The following GPR37L1 variants were observed in gnomAD, a reference collection of about 807,000 sequenced individuals.
The protein encoded by GPR37L1 is G protein-coupled receptor 37 like 1, also known as G protein-coupled receptor 37-like 1.
Under a neutral mutation model 18.0 loss-of-function variants are expected in GPR37L1, and 18 were observed. The observed-to-expected ratio is 1.00, with a 90% CI of 0.69 to 1.49. The LOEUF is 1.49. Among genes scored for constraint, GPR37L1 ranks in the 40% most tolerant of loss-of-function variants. The pLI, the probability that GPR37L1 is intolerant of heterozygous loss-of-function variation, is 0.00. For synonymous variants in GPR37L1, 256 were observed against 273.9 expected, an observed-to-expected ratio of 0.93 and a Z score of 0.65; for missense variants, 558 against 615.1, an observed-to-expected ratio of 0.91 and a Z score of 0.98.
intron 1 of GPR37L1, among the ~76,000 whole-genome samples, chr1:202,126,023 C>T (rs973669736): frequency 1.9e-4 from 29 of 152,276 alleles, no homozygotes; most frequent in East Asian, 7.7e-4. Flanking sequence ...CGCCCAGCAA[C>T]ACCCTTTTAT....
Position 202,128,204 on chromosome 1 carries a change from C to T in GPR37L1, c.1094C>T (p.Thr365Ile). The part of the protein sequence containing the change: ...SQLNSTVVGL[T>I]VVYAFCTLPE... ...CTCAACAGCACCGTGGTGGGCCTGA[C>T]CGTGGTCTACGCCTTCTGCACCCTC... Residue 365 changes from threonine (T) to isoleucine (I), a missense_variant, in exon 2 of 2, where the codon ACC becomes ATC. Thr to Ile is a moderately conservative substitution (Grantham distance 89). Coordinates refer to ENST00000367282, the MANE Select transcript of GPR37L1 (RefSeq NM_004767.5). 1.2e-6 allele frequency: 2 copies of T among 1,613,956 alleles called. No homozygotes were observed. Among genetic ancestry groups the T allele is most frequent in the South Asian group, 2.2e-5 (2 of 91,078 alleles).
intron 1 of GPR37L1, among the ~76,000 whole-genome samples, chr1:202,126,667 C>T (rs80068894): frequency 0.057 from 8,736 of 152,162 alleles, 439 homozygotes; most frequent in African/African-American, 0.13. Flanking sequence ...TGCTCTTTGG[C>T]ACTCTCCTCC....
rs1217213503 is a variant in GPR37L1, at chr1:202,131,239, G to A, written c.*2683G>A. ...TGATGCCAGGTTACAGGGCTGAGGG[G>A]AGCCTGAAATCCACTGGGTCTCCCT... On this transcript the variant is annotated 3_prime_UTR_variant, in exon 2 of 2. Transcript: ENST00000367282. The A allele has an allele frequency of 6.6e-6, 1 of 152,208 alleles. No homozygotes were observed. The highest frequency in any genetic ancestry group is 2.4e-5 in the African/African-American group (1 of 41,438). The allele number at this position is 152,208 out of a possible 1,614,324, so 9.4% of individuals were successfully genotyped here.
chr1:202,129,386 G>A lies in GPR37L1; in HGVS notation c.*830G>A, dbSNP rs1180437350. ...TACTGGTGCCTTCTTTTCTTCCAGA[G>A]GATTTCTCTCTCCTTCCTCCTCCTT... On this transcript the variant is annotated 3_prime_UTR_variant, in exon 2 of 2. Transcript: ENST00000367282. 1 of 152,782 alleles carries A rather than the reference G, an allele frequency of 6.5e-6. No individual in the cohort carries two copies. Among genetic ancestry groups the A allele is most frequent in the Non-Finnish European group, 1.5e-5 (1 of 68,488 alleles). 9.5% of individuals were successfully genotyped at this position (152,782 alleles called of 1,614,324 possible).
chr1:202,127,282 C>T (rs1181861021), intron 1 of GPR37L1, among the ~76,000 whole-genome samples: 1 of 108,104 alleles, frequency 9.3e-6, no homozygotes, highest in African/African-American at 4.0e-5. Context: ...TTCCTTCTTT[C>T]CTTCCTTCCT....
In GPR37L1 at chr1:202,129,078, A is replaced by T. The variant is rs1235373652; in HGVS notation, c.*522A>T. ...GGCTGGAGTACATTTGCCTGATGTCAGCTCCCTGCAACCTCCGCCTCCTGG... is the reference window on the plus strand; with the variant it reads ...GGCTGGAGTACATTTGCCTGATGTCTGCTCCCTGCAACCTCCGCCTCCTGG... On this transcript the variant is annotated 3_prime_UTR_variant, in exon 2 of 2. Transcript: ENST00000367282. 1 of 142,150 alleles carries T rather than the reference A, an allele frequency of 7.0e-6. No individual in the cohort carries two copies. Among genetic ancestry groups the T allele is most frequent in the African/African-American group, 2.7e-5 (1 of 37,458 alleles). 8.8% of individuals were successfully genotyped at this position (142,150 alleles called of 1,614,324 possible). A position where few individuals can be genotyped will look rare whatever the true frequency, so the allele number is the denominator to read the frequency against.
At chr1:202,127,683 C>CG in intron 1 of GPR37L1, 58 bp from the exon 2 acceptor site, 2 of 1,255,854 alleles carry the variant, frequency 1.6e-6, no homozygotes, top group Non-Finnish European at 2.2e-6. Context: ...AGGTGTCCTT[C>CG]CTTGTCCCCA....
Sources: allele counts gnomAD v4.1 joint callset (sites outside exome capture counted in the v4.1 genomes callset), GRCh38; gene constraint gnomAD v4.1.1; transcripts MANE v1.5; gene names NCBI Gene and HGNC (gene_info 2026-07-23, HGNC 2026-07-21).